The following FNDC3B variants were observed in gnomAD, a reference collection of about 807,000 sequenced individuals.
The protein encoded by FNDC3B is fibronectin type III domain containing 3B.
A neutral mutation model predicts 151.5 loss-of-function variants in FNDC3B; 12 were observed. The observed-to-expected ratio is 0.08, with a 90% CI of 0.05 to 0.13. FNDC3B has a LOEUF of 0.13. Ranked by LOEUF, FNDC3B falls within the 10% of genes least tolerant of loss-of-function variation. The pLI is 1.00. For missense variants in FNDC3B, 1,214 were observed against 1,505.3 expected (o/e 0.81, Z 3.20); for synonymous variants, 528 against 549.0 (o/e 0.96, Z 0.54).
intron 25 of FNDC3B, among the ~76,000 whole-genome samples, chr3:172,388,834 C>G (rs695164): frequency 0.93 from 141,422 of 152,252 alleles, 66,175 homozygotes; most frequent in East Asian, 1. Flanking sequence ...TTCTGCAAGG[C>G]GGGGCAGGGA....
At chr3:172,044,905 T>C (rs1303129047) in intron 1 of FNDC3B, among the ~76,000 whole-genome samples, 1 of 152,188 alleles carries the variant, frequency 6.6e-6, no homozygotes, top group Non-Finnish European at 1.5e-5. Context: ...CAGTTTGAAA[T>C]CAGAATATCT....
At chr3:172,344,762 T>A (rs1206359460) in intron 19 of FNDC3B, among the ~76,000 whole-genome samples, 1 of 152,242 alleles carries the variant, frequency 6.6e-6, no homozygotes, top group Non-Finnish European at 1.5e-5. Flanking sequence ...CATTTGGAGT[T>A]GTCAAGTTGA....
At chr3:172,261,397 A>C (rs2108790158) in intron 6 of FNDC3B, among the ~76,000 whole-genome samples, 1 of 152,314 alleles carries the variant, frequency 6.6e-6, no homozygotes, top group East Asian at 1.9e-4. Flanking sequence ...CATAAACTGC[A>C]GTGTCAAGAG....
In FNDC3B at chr3:172,341,307, T is replaced by C. The variant is rs1733309283; in HGVS notation, c.1971+76T>C. On this transcript the variant is annotated intron_variant, in intron 17 of 25. Transcript: ENST00000415807. ...AACTGTCTATAACATCAGAAGCAAA[T>C]TGCAGTTTAAACAATGTATCTTGGT... The C allele has an allele frequency of 1.2e-5, 13 of 1,048,578 alleles. No individual in the cohort carries two copies. In the South Asian group the frequency reaches 1.6e-4, roughly 13 times the overall value. 65.0% of individuals were successfully genotyped at this position (1,048,578 alleles called of 1,614,324 possible). A position where few individuals can be genotyped will look rare whatever the true frequency, so the allele number is the denominator to read the frequency against.
chr3:172,397,354 A>G lies in FNDC3B; in HGVS notation c.3494A>G (p.Asp1165Gly), dbSNP rs778006718. The G allele has an allele frequency of 1.9e-6, 3 of 1,614,084 alleles. No individual in the cohort carries two copies. The highest frequency in any genetic ancestry group is 2.5e-6 in the Non-Finnish European group (3 of 1,180,024). The change falls in exon 26 of 26, where the codon GAT (aspartate) becomes GGT (glycine). Residue 1165 changes from aspartate (D) to glycine (G), a missense_variant. Asp to Gly is a moderately conservative substitution (Grantham distance 94). This residue lies in a region of FNDC3B where 284 missense variants were observed against 392.4 expected (regional missense o/e 0.72). Transcript: ENST00000415807. ...CTTACAGGGGACATGGGGAGCTTAG[A>G]TGATCCCAAAATGAAGAGCATGATG... is the stretch of plus-strand genomic sequence containing the variant. ...VMLTGDMGSL[D>G]DPKMKSMMPT...
chr3:172,219,692 T>C (rs928117632), intron 3 of FNDC3B, among the ~76,000 whole-genome samples: 1 of 152,260 alleles, frequency 6.6e-6, no homozygotes, highest in Admixed American at 6.5e-5. Flanking sequence ...TTATTTATTC[T>C]GAATATTTCG....
intron 1 of FNDC3B, among the ~76,000 whole-genome samples, chr3:172,105,167 T>C (rs1400289150): frequency 1.3e-5 from 2 of 152,198 alleles, no homozygotes; most frequent in African/African-American, 4.8e-5. Flanking sequence ...TCTGTCCTTG[T>C]GACTGATGGC....
At chr3:172,381,632 C>T (rs1735445591) in intron 25 of FNDC3B, among the ~76,000 whole-genome samples, 1 of 151,862 alleles carries the variant, frequency 6.6e-6, no homozygotes, top group African/African-American at 2.4e-5. Flanking sequence ...CCCCCCACCC[C>T]CTGACAGGCC....
chr3:172,168,599 CT>C (rs1723124491), intron 3 of FNDC3B, among the ~76,000 whole-genome samples: 1 of 152,114 alleles, frequency 6.6e-6, no homozygotes. Flanking sequence ...TATTTAATAA[CT>C]GATAATATAT....
At chr3:172,286,087 T>C (rs1730000840) in intron 7 of FNDC3B, 103 bp downstream of exon 7, 1 of 801,828 alleles carries the variant, frequency 1.2e-6, no homozygotes, top group Admixed American at 2.4e-5. Context: ...AAGGGCTCTT[T>C]CCCTTTGCAG....
chr3:172,381,125 C>T, intron 25 of FNDC3B, 32 bp downstream of exon 25: 1 of 1,610,388 alleles, frequency 6.2e-7, no homozygotes, highest in Non-Finnish European at 8.5e-7. Context: ...ACATGTGCAA[C>T]TGAGTATGGC....
intron 23 of FNDC3B, among the ~76,000 whole-genome samples, chr3:172,363,690 C>T (rs962532248): frequency 2.6e-5 from 4 of 152,198 alleles, no homozygotes; most frequent in Non-Finnish European, 4.4e-5. Context: ...TATTCTGTTC[C>T]TTCACGTATG....
intron 1 of FNDC3B, among the ~76,000 whole-genome samples, chr3:172,099,165 A>T (rs900753474): frequency 1.3e-5 from 2 of 152,240 alleles, no homozygotes; most frequent in East Asian, 3.8e-4. Context: ...AATGCAAATC[A>T]ATTAGCTGTG....
At chr3:172,247,800 A>G in intron 5 of FNDC3B, 24 bp downstream of exon 5, 2 of 1,613,544 alleles carry the variant, frequency 1.2e-6, no homozygotes, top group Non-Finnish European at 1.7e-6. Context: ...CGTTGGCGTC[A>G]GGAGCCGTTG....
chr3:172,345,963 G>A (rs1733594634), intron 19 of FNDC3B: 1 of 155,656 alleles, frequency 6.4e-6, no homozygotes, highest in Admixed American at 6.5e-5. Context: ...TTAAACTGCA[G>A]TGGGCATCTG....
chr3:172,262,738 G>GA lies in FNDC3B; in HGVS notation c.790+11198dup, dbSNP rs200385689. ...GACAGCATAGCAAGACCCCATCTCTGACAAAAAAAATTAGCTGGATGTGGT... is the reference window on the plus strand; with the variant it reads ...GACAGCATAGCAAGACCCCATCTCTGAACAAAAAAAATTAGCTGGATGTGGT... On this transcript the variant is annotated intron_variant, in intron 6 of 25. Transcript: ENST00000415807. Among the ~76,000 whole-genome samples, 237 of 150,330 alleles carry GA rather than the reference G, an allele frequency of 1.6e-3. 1 individual carries two copies. Among genetic ancestry groups the GA allele is most frequent in the African/African-American group, 5.5e-3 (225 of 40,718 alleles).
chr3:172,097,875 A>G (rs1719169038), intron 1 of FNDC3B, among the ~76,000 whole-genome samples: 1 of 152,190 alleles, frequency 6.6e-6, no homozygotes, highest in Non-Finnish European at 1.5e-5. Flanking sequence ...CTTCCAGTAA[A>G]TCCTTGAGAT....
intron 9 of FNDC3B, among the ~76,000 whole-genome samples, chr3:172,303,738 AT>A (rs1374329726): frequency 1.4e-5 from 2 of 147,764 alleles, no homozygotes; most frequent in African/African-American, 5.1e-5. Flanking sequence ...AAAAAAAAAA[AT>A]TGCAGTATTC....
chr3:172,126,870 A>G (rs1261634250), intron 2 of FNDC3B: 4 of 308,086 alleles, frequency 1.3e-5, no homozygotes, highest in African/African-American at 2.2e-5. Flanking sequence ...AAGCATTTCC[A>G]AGTAATTCAA....
Sources: gnomAD v4.1 joint callset for allele counts (sites outside exome capture counted in the v4.1 genomes callset) on GRCh38, gnomAD v4.1.1 for gene constraint, gnomAD v4.1.1 regional missense constraint, MANE v1.5 for transcripts, NCBI Gene and HGNC (gene_info 2026-07-23, HGNC 2026-07-21) for gene names.